The following CDC42BPA variants were observed in gnomAD, a reference collection of about 807,000 sequenced individuals.
The protein encoded by CDC42BPA is CDC42 binding protein kinase alpha, also known as serine/threonine-protein kinase MRCK alpha.
In CDC42BPA, 80 loss-of-function variants were observed where a neutral mutation model predicts 223.5. That is an observed-to-expected ratio of 0.36 (90% CI 0.30 to 0.43). CDC42BPA has a LOEUF of 0.43. CDC42BPA is among the 20% of genes least tolerant of loss of function. The pLI is 1.00. For synonymous variants in CDC42BPA, 694 were observed against 718.6 expected (o/e 0.97, Z 0.55); for missense variants, 1,743 against 2,099.9 (o/e 0.83, Z 3.32).
chr1:227,303,316 T>TA (rs1558997261), intron 1 of CDC42BPA, among the ~76,000 whole-genome samples: 1 of 152,230 alleles, frequency 6.6e-6, no homozygotes, highest in Non-Finnish European at 1.5e-5. Flanking sequence ...AAGACTCTTC[T>TA]AATCTTCTAA....
intron 29 of CDC42BPA, 51 bp from the exon 30 acceptor site, chr1:227,029,301 T>C (rs764969562): frequency 1.3e-4 from 151 of 1,173,762 alleles, no homozygotes; most frequent in Non-Finnish European, 1.7e-4. Flanking sequence ...TGATTAATCA[T>C]ATCCCAATTA....
intron 21 of CDC42BPA, among the ~76,000 whole-genome samples, chr1:227,061,162 T>C (rs1675853595): frequency 1.3e-5 from 2 of 152,168 alleles, no homozygotes; most frequent in South Asian, 4.1e-4. Flanking sequence ...AGTCTCAGGT[T>C]CAAACCTAGT....
At chr1:227,277,166 G>A (rs980249769) in intron 1 of CDC42BPA, among the ~76,000 whole-genome samples, 1 of 150,434 alleles carries the variant, frequency 6.6e-6, no homozygotes, top group Non-Finnish European at 1.5e-5. Context: ...GTGAAAAAAT[G>A]TACGCCAATA....
chr1:227,227,659 T>G (rs1677083606), intron 2 of CDC42BPA, among the ~76,000 whole-genome samples: 1 of 152,196 alleles, frequency 6.6e-6, no homozygotes, highest in African/African-American at 2.4e-5. Context: ...ACTCTGATGC[T>G]TTCTGCCAAA....
At position 226,994,518 on chromosome 1, in the gene CDC42BPA, C is replaced by T; in HGVS notation, c.5134-119G>A. 1 of 1,216,766 alleles carries T rather than the reference C, an allele frequency of 8.2e-7. No homozygotes were observed. Among genetic ancestry groups the T allele is most frequent in the Non-Finnish European group, 1.1e-6 (1 of 899,666 alleles). 75.4% of individuals were successfully genotyped at this position (1,216,766 alleles called of 1,614,324 possible). ...ACCAAATAACCCCATGGGGCGGCCT[C>T]ACTGTCGGTATAAAGCCCCTTCTAT... On this transcript the variant is annotated intron_variant, in intron 36 of 36. Coordinates refer to ENST00000366766, the MANE Select transcript of CDC42BPA (RefSeq NM_001394014.1). This position sits in a 1 kb window ranked among gnomAD's most constrained non-coding sequence, Gnocchi z 4.0.
At chr1:227,150,928 T>A (rs2149717607) in intron 6 of CDC42BPA, among the ~76,000 whole-genome samples, 1 of 151,590 alleles carries the variant, frequency 6.6e-6, no homozygotes, top group African/African-American at 2.4e-5. Context: ...TTACTGAGGG[T>A]GTAAACAGGA....
chr1:227,170,129 T>G (rs1015535972), intron 5 of CDC42BPA, among the ~76,000 whole-genome samples: 2 of 152,170 alleles, frequency 1.3e-5, no homozygotes, highest in Non-Finnish European at 2.9e-5. Flanking sequence ...TACAGTATGA[T>G]AGAACTTAGG....
At chr1:227,168,262 A>G (rs557128729) in intron 5 of CDC42BPA, among the ~76,000 whole-genome samples, 5 of 152,220 alleles carry the variant, frequency 3.3e-5, no homozygotes, top group African/African-American at 7.2e-5. Flanking sequence ...TAAAAATATC[A>G]TATCACATTT....
intron 8 of CDC42BPA, among the ~76,000 whole-genome samples, chr1:227,143,736 TTTAAAGAGAAGCAC>T (rs1660135423): frequency 6.6e-6 from 1 of 152,224 alleles, no homozygotes; most frequent in Non-Finnish European, 1.5e-5. Flanking sequence ...ATAAAGTGTC[TTTAAAGAGAAGCAC>T]ACATAAAACA....
chr1:227,291,178 C>G (rs1347136634), intron 1 of CDC42BPA, among the ~76,000 whole-genome samples: 2 of 152,106 alleles, frequency 1.3e-5, no homozygotes, highest in Non-Finnish European at 2.9e-5. Context: ...AGGTAGCCTT[C>G]CTCCCTCCTC....
intron 32 of CDC42BPA, among the ~76,000 whole-genome samples, chr1:227,022,690 G>A (rs1406667940): frequency 6.6e-6 from 1 of 152,142 alleles, no homozygotes; most frequent in Non-Finnish European, 1.5e-5. Context: ...TTTATGTGTG[G>A]TATGTAATGA....
intron 1 of CDC42BPA, among the ~76,000 whole-genome samples, chr1:227,263,755 T>C (rs754172867): frequency 3.3e-5 from 5 of 152,032 alleles, no homozygotes; most frequent in Non-Finnish European, 7.4e-5. Flanking sequence ...CTAATTTTTG[T>C]ATTTTTAGTA....
chr1:227,226,689 G>A (rs1572484135), intron 2 of CDC42BPA, among the ~76,000 whole-genome samples: 1 of 152,164 alleles, frequency 6.6e-6, no homozygotes, highest in Admixed American at 6.5e-5. Flanking sequence ...TTCTTTTTAA[G>A]TTAGTATTTA....
At chr1:227,103,142 C>G (rs1685333689) in intron 14 of CDC42BPA, among the ~76,000 whole-genome samples, 1 of 152,020 alleles carries the variant, frequency 6.6e-6, no homozygotes, top group South Asian at 2.1e-4. Context: ...AAAATTGTCT[C>G]TCTGACCAAC....
At chr1:227,113,144 G>C (rs1398644270) in intron 12 of CDC42BPA, among the ~76,000 whole-genome samples, 1 of 152,146 alleles carries the variant, frequency 6.6e-6, no homozygotes, top group Non-Finnish European at 1.5e-5. Context: ...TAACCTTATA[G>C]TACCTTAGTT....
At chr1:227,298,280 A>T (rs932927633) in intron 1 of CDC42BPA, among the ~76,000 whole-genome samples, 13 of 152,084 alleles carry the variant, frequency 8.5e-5, no homozygotes, top group Admixed American at 3.3e-4. Flanking sequence ...ACACATAAAA[A>T]ATAACAAGTG....
At chr1:227,147,242 T>C (rs1660865445) in intron 7 of CDC42BPA, 117 bp downstream of exon 7, 1 of 663,126 alleles carries the variant, frequency 1.5e-6, no homozygotes. Flanking sequence ...TCCTGTCCCA[T>C]ACTAGGATAG....
intron 5 of CDC42BPA, among the ~76,000 whole-genome samples, chr1:227,166,670 A>G (rs1665091781): frequency 6.6e-6 from 1 of 152,214 alleles, no homozygotes; most frequent in Admixed American, 6.5e-5. Context: ...CTGAACTTAT[A>G]CAAGGACCAC....
intron 23 of CDC42BPA, among the ~76,000 whole-genome samples, chr1:227,042,078 C>T (rs1671483412): frequency 1.3e-5 from 2 of 152,028 alleles, no homozygotes; most frequent in Admixed American, 1.3e-4. Context: ...GTTCAAAATG[C>T]ATTAATGCAA....
Sources: gnomAD v4.1 joint callset for allele counts (sites outside exome capture counted in the v4.1 genomes callset) on GRCh38, gnomAD v4.1.1 for gene constraint, Gnocchi (gnomAD v3.1) non-coding constraint, MANE v1.5 for transcripts, NCBI Gene and HGNC (gene_info 2026-07-23, HGNC 2026-07-21) for gene names.